Variants in CAMTA1 observed in about 807,000 individuals in gnomAD.
The protein encoded by CAMTA1 is calmodulin binding transcription activator 1.
In CAMTA1, 27 loss-of-function variants were observed where a neutral mutation model predicts 170.9. The observed-to-expected ratio is 0.16, with a 90% CI of 0.12 to 0.22. CAMTA1 has a LOEUF of 0.22. CAMTA1 is among the 10% of genes least tolerant of loss of function. The pLI, the probability that CAMTA1 is intolerant of heterozygous loss-of-function variation, is 1.00. For missense variants in CAMTA1, 1,619 were observed against 2,217.2 expected, an observed-to-expected ratio of 0.73 and a Z score of 5.42; for synonymous variants, 833 against 891.5, an observed-to-expected ratio of 0.93 and a Z score of 1.17.
At chr1:6,978,340 A>T (rs1693815813) in intron 3 of CAMTA1, among the ~76,000 whole-genome samples, 1 of 152,194 alleles carries the variant, frequency 6.6e-6, no homozygotes, top group Admixed American at 6.5e-5. Context: ...TACCCCATAA[A>T]TGTATACACC....
intron 3 of CAMTA1, among the ~76,000 whole-genome samples, chr1:6,981,403 T>G (rs933645308): frequency 6.6e-6 from 1 of 152,192 alleles, no homozygotes; most frequent in Non-Finnish European, 1.5e-5. Context: ...TTTCTTACTC[T>G]GTACAATTTT....
At chr1:7,240,197 C>A (rs534715447) in intron 4 of CAMTA1, among the ~76,000 whole-genome samples, 14 of 152,264 alleles carry the variant, frequency 9.2e-5, no homozygotes, top group African/African-American at 3.4e-4. Context: ...TTAATTCTCT[C>A]ATTTCTTCTT....
intron 5 of CAMTA1, among the ~76,000 whole-genome samples, chr1:7,399,889 C>G (rs2149195776): frequency 6.6e-6 from 1 of 152,230 alleles, no homozygotes; most frequent in Non-Finnish European, 1.5e-5. Flanking sequence ...TTTTATCTTG[C>G]ACCTTTTAAA....
intron 4 of CAMTA1, among the ~76,000 whole-genome samples, chr1:7,232,356 C>A (rs1427606606): frequency 6.6e-6 from 1 of 152,212 alleles, no homozygotes; most frequent in Non-Finnish European, 1.5e-5. Flanking sequence ...TCTGCCTGTT[C>A]ATCCCAGTTG....
At chr1:7,558,296 G>T (rs563209802) in intron 6 of CAMTA1, among the ~76,000 whole-genome samples, 1 of 152,344 alleles carries the variant, frequency 6.6e-6, no homozygotes, top group East Asian at 1.9e-4. Context: ...ATACCAACAT[G>T]CTGCGGCGTC....
chr1:6,894,581 C>A (rs1675238216), intron 3 of CAMTA1, among the ~76,000 whole-genome samples: 1 of 152,224 alleles, frequency 6.6e-6, no homozygotes. Flanking sequence ...TGCCGCTGTG[C>A]TGATTTGACG....
At chr1:7,533,946 G>C (rs184892904) in intron 6 of CAMTA1, among the ~76,000 whole-genome samples, 1 of 151,932 alleles carries the variant, frequency 6.6e-6, no homozygotes, top group South Asian at 2.1e-4. Context: ...AAAAGAAAAC[G>C]TCCAGGCTTC....
chr1:7,294,503 G>C (rs549510163), intron 5 of CAMTA1, among the ~76,000 whole-genome samples: 10 of 152,308 alleles, frequency 6.6e-5, no homozygotes, highest in African/African-American at 2.4e-4. Context: ...CCAGCATCCT[G>C]CTTGCTCATA....
At chr1:7,378,209 A>G (rs1160089007) in intron 5 of CAMTA1, among the ~76,000 whole-genome samples, 1 of 152,168 alleles carries the variant, frequency 6.6e-6, no homozygotes, top group Non-Finnish European at 1.5e-5. Context: ...TATGCACTGT[A>G]GCACCTGCTA....
intron 3 of CAMTA1, among the ~76,000 whole-genome samples, chr1:6,916,937 G>A (rs1042476798): frequency 3.3e-5 from 5 of 152,200 alleles, no homozygotes; most frequent in African/African-American, 9.7e-5. Context: ...TACATGAGGG[G>A]ACAATTACAG....
At chr1:6,809,528 G>A (rs1352972524) in intron 1 of CAMTA1, among the ~76,000 whole-genome samples, 1 of 152,098 alleles carries the variant, frequency 6.6e-6, no homozygotes, top group African/African-American at 2.4e-5. Flanking sequence ...AGGGAGAGAA[G>A]GGCTGTGAGG....
intron 22 of CAMTA1, among the ~76,000 whole-genome samples, chr1:7,758,812 G>A (rs2096952125): frequency 6.6e-6 from 1 of 151,776 alleles, no homozygotes; most frequent in African/African-American, 2.4e-5. Context: ...GCGGGCGCCT[G>A]TAGTCCCAGC....
At position 7,467,749 on chromosome 1, in the gene CAMTA1, G is replaced by A. The variant is rs1575480700; in HGVS notation, c.439-81G>A. 25 of 1,328,490 alleles carry A rather than the reference G, an allele frequency of 1.9e-5. No homozygotes were observed. In the East Asian group the frequency reaches 5.5e-4, roughly 29 times the overall value. The allele number at this position is 1,328,490 out of a possible 1,614,324, so 82.3% of individuals were successfully genotyped here. A position where few individuals can be genotyped will look rare whatever the true frequency, so the allele number is the denominator to read the frequency against. On this transcript the variant is annotated intron_variant, in intron 5 of 22. Coordinates refer to ENST00000303635, the MANE Select transcript of CAMTA1 (RefSeq NM_015215.4). ...TGCCAGGCGGCTGTGGCCCCTTCTT[G>A]CTCCTTCTCTGTTGCGCCGTCTTCC... is the stretch of plus-strand genomic sequence containing the variant.
chr1:7,180,880 T>C (rs944019261), intron 4 of CAMTA1, among the ~76,000 whole-genome samples: 2 of 152,210 alleles, frequency 1.3e-5, no homozygotes, highest in African/African-American at 4.8e-5. Flanking sequence ...TAAATGAATG[T>C]TTTCTAAGTC....
At chr1:7,429,362 T>C (rs577904999) in intron 5 of CAMTA1, among the ~76,000 whole-genome samples, 1 of 152,318 alleles carries the variant, frequency 6.6e-6, no homozygotes, top group East Asian at 1.9e-4. Context: ...ATGGAGATAA[T>C]GATGGGCATA....
intron 22 of CAMTA1, among the ~76,000 whole-genome samples, 177 bp downstream of exon 22, chr1:7,755,845 A>G (rs1379726909): frequency 6.6e-6 from 1 of 152,244 alleles, no homozygotes; most frequent in Non-Finnish European, 1.5e-5. Flanking sequence ...TTTATATGAC[A>G]GGAGAACAGT....
chr1:7,056,751 T>C (rs900923589), intron 3 of CAMTA1, among the ~76,000 whole-genome samples: 1 of 152,076 alleles, frequency 6.6e-6, no homozygotes, highest in African/African-American at 2.4e-5. Flanking sequence ...CCAGGAGCCT[T>C]GGGAGATGGG....
intron 5 of CAMTA1, among the ~76,000 whole-genome samples, chr1:7,460,537 G>T (rs1019832849): frequency 6.6e-6 from 1 of 152,058 alleles, no homozygotes; most frequent in Non-Finnish European, 1.5e-5. Flanking sequence ...ACGTTCCTTG[G>T]ATGTCCAAGC....
chr1:7,677,066 G>A (rs2096128744), intron 10 of CAMTA1, among the ~76,000 whole-genome samples: 1 of 152,170 alleles, frequency 6.6e-6, no homozygotes, highest in African/African-American at 2.4e-5. Flanking sequence ...GCTGGGGCCA[G>A]GGTAACAGAG....
Sources: gnomAD v4.1 joint callset for allele counts (sites outside exome capture counted in the v4.1 genomes callset) on GRCh38, gnomAD v4.1.1 for gene constraint, MANE v1.5 for transcripts, NCBI Gene and HGNC (gene_info 2026-07-23, HGNC 2026-07-21) for gene names.